The following CDH4 variants were observed in gnomAD, a reference collection of about 807,000 sequenced individuals.
CDH4 encodes the protein cadherin 4.
In CDH4, 33 loss-of-function variants were observed where a neutral mutation model predicts 86.0. That is an observed-to-expected ratio of 0.38 (90% CI 0.29 to 0.51). CDH4 has a LOEUF of 0.51. Ranked by LOEUF, CDH4 falls within the 20% of genes least tolerant of loss-of-function variation. CDH4 has a pLI of 0.86. For missense variants in CDH4, 1,114 were observed against 1,307.4 expected, an observed-to-expected ratio of 0.85 and a Z score of 2.28; for synonymous variants, 555 against 549.4, an observed-to-expected ratio of 1.01 and a Z score of -0.14.
intron 7 of CDH4, among the ~76,000 whole-genome samples, chr20:61,892,508 G>A (rs975510080): frequency 3.3e-5 from 5 of 152,162 alleles, no homozygotes; most frequent in Non-Finnish European, 7.3e-5. Context: ...GCTGAGCTGA[G>A]AGCATGCTGG....
At chr20:61,689,637 G>T (rs1438740687) in intron 2 of CDH4, among the ~76,000 whole-genome samples, 1 of 149,358 alleles carries the variant, frequency 6.7e-6, no homozygotes, top group Non-Finnish European at 1.5e-5. Context: ...ACAGTGGTTG[G>T]TGAGGTGATG....
intron 2 of CDH4, among the ~76,000 whole-genome samples, chr20:61,360,050 GAACCAGAATTT>G (rs2084775379): frequency 6.6e-6 from 1 of 152,182 alleles, no homozygotes; most frequent in African/African-American, 2.4e-5. Context: ...ACTTCTCATT[GAACCAGAATTT>G]AACCAGAATC....
intron 2 of CDH4, among the ~76,000 whole-genome samples, chr20:61,591,975 G>C (rs149757681): frequency 1.3e-4 from 20 of 152,294 alleles, no homozygotes; most frequent in African/African-American, 4.8e-4. Flanking sequence ...ACCGCCAACT[G>C]TTTGCCTCAA....
At chr20:61,699,764 C>T (rs62197825) in intron 2 of CDH4, among the ~76,000 whole-genome samples, 26,574 of 102,182 alleles carry the variant, frequency 0.26, 2,664 homozygotes, top group Non-Finnish European at 0.38. Context: ...GGGCTTTCAC[C>T]GCGGACCCGG....
intron 7 of CDH4, among the ~76,000 whole-genome samples, chr20:61,874,716 C>T (rs1355608284): frequency 6.6e-6 from 1 of 152,186 alleles, no homozygotes; most frequent in Non-Finnish European, 1.5e-5. Flanking sequence ...GCATCGCCTG[C>T]CTTCCCCATC....
In CDH4 at chr20:61,708,459, G is replaced by C. The variant is rs1469691308; in HGVS notation, c.170-35104G>C. On this transcript the variant is annotated intron_variant, in intron 2 of 15. Coordinates refer to ENST00000614565, the MANE Select transcript of CDH4 (RefSeq NM_001794.5). This position sits in a 1 kb window ranked among gnomAD's most constrained non-coding sequence, Gnocchi z 4.5. ...ACTGCAGCATCCACCTCCTGCCACAGTCAGGGGGCTATGGAGAAACCCAAT... is the reference window on the plus strand; with the variant it reads ...ACTGCAGCATCCACCTCCTGCCACACTCAGGGGGCTATGGAGAAACCCAAT... Among the ~76,000 whole-genome samples, 1 of 152,184 alleles carries C rather than the reference G, an allele frequency of 6.6e-6. No individual in the cohort carries two copies. The highest frequency in any genetic ancestry group is 1.5e-5 in the Non-Finnish European group (1 of 68,032).
chr20:61,818,071 C>A (rs1413470609), intron 4 of CDH4, among the ~76,000 whole-genome samples: 1 of 151,750 alleles, frequency 6.6e-6, no homozygotes, highest in Non-Finnish European at 1.5e-5. Flanking sequence ...GCTCTGTCAC[C>A]CAGGCTGGAG....
intron 2 of CDH4, among the ~76,000 whole-genome samples, chr20:61,286,403 A>G (rs979732216): frequency 6.6e-6 from 1 of 152,192 alleles, no homozygotes; most frequent in African/African-American, 2.4e-5. Flanking sequence ...TGTTTCACAC[A>G]TGTGACCCCA....
chr20:61,697,572 T>C (rs1194533639), intron 2 of CDH4, among the ~76,000 whole-genome samples: 1 of 151,782 alleles, frequency 6.6e-6, no homozygotes, highest in African/African-American at 2.4e-5. Flanking sequence ...CACTCCAGCC[T>C]GGGCGACAGA....
chr20:61,782,144 T>TA (rs1487141648), intron 4 of CDH4, among the ~76,000 whole-genome samples: 2 of 151,976 alleles, frequency 1.3e-5, no homozygotes, highest in Non-Finnish European at 2.9e-5. Context: ...CCATCTCTAC[T>TA]AAAAATACAA....
chr20:61,736,292 C>G (rs147290902), intron 2 of CDH4, among the ~76,000 whole-genome samples: 2 of 152,326 alleles, frequency 1.3e-5, no homozygotes, highest in Non-Finnish European at 2.9e-5. Flanking sequence ...TCCTCTGCCC[C>G]AGGACCTTTG....
At chr20:61,713,289 C>T (rs769025437) in intron 2 of CDH4, among the ~76,000 whole-genome samples, 9 of 152,186 alleles carry the variant, frequency 5.9e-5, no homozygotes, top group Non-Finnish European at 1.3e-4. Context: ...CAATGCTGAG[C>T]TTCAAGGTGC....
intron 2 of CDH4, among the ~76,000 whole-genome samples, chr20:61,400,436 A>C (rs1278795541): frequency 6.6e-6 from 1 of 152,216 alleles, no homozygotes; most frequent in Non-Finnish European, 1.5e-5. Context: ...AAGAGGACCC[A>C]GTCCTCCTTG....
intron 6 of CDH4, among the ~76,000 whole-genome samples, chr20:61,872,318 A>G (rs1453895346): frequency 6.6e-6 from 1 of 152,194 alleles, no homozygotes; most frequent in Non-Finnish European, 1.5e-5. Flanking sequence ...ACAGGGCCCC[A>G]TGACTCAGTC....
intron 2 of CDH4, among the ~76,000 whole-genome samples, chr20:61,307,193 C>T (rs1600853145): frequency 1.3e-5 from 2 of 152,200 alleles, no homozygotes; most frequent in African/African-American, 4.8e-5. Context: ...GATGCAAAGG[C>T]GGATCTGCAG....
intron 2 of CDH4, among the ~76,000 whole-genome samples, chr20:61,450,842 C>T (rs980960660): frequency 2.0e-5 from 3 of 146,686 alleles, no homozygotes; most frequent in South Asian, 2.5e-4. Flanking sequence ...GTGGCTAGAG[C>T]GGGGTTTTCT....
At chr20:61,257,122 C>T (rs1195624756) in intron 2 of CDH4, among the ~76,000 whole-genome samples, 3 of 152,224 alleles carry the variant, frequency 2.0e-5, no homozygotes, top group Admixed American at 6.5e-5. Context: ...TGAGTTATTC[C>T]AGCGGAGAGA....
chr20:61,564,549 TC>T (rs1465254123), intron 2 of CDH4, among the ~76,000 whole-genome samples: 1 of 152,134 alleles, frequency 6.6e-6, no homozygotes. Context: ...ATGCCCTGGC[TC>T]CGCTTCACCC....
chr20:61,351,800 T>A (rs374106498), intron 2 of CDH4, among the ~76,000 whole-genome samples: 1 of 151,896 alleles, frequency 6.6e-6, no homozygotes, highest in South Asian at 2.1e-4. Flanking sequence ...CACTGCAACC[T>A]CCGCCTCCCA....
Sources: gnomAD v4.1 joint callset for allele counts (sites outside exome capture counted in the v4.1 genomes callset) on GRCh38, gnomAD v4.1.1 for gene constraint, Gnocchi (gnomAD v3.1) non-coding constraint, MANE v1.5 for transcripts, NCBI Gene and HGNC (gene_info 2026-07-23, HGNC 2026-07-21) for gene names.